The following LUZP2 variants were observed in gnomAD, a reference collection of about 807,000 sequenced individuals.
LUZP2 encodes leucine zipper protein 2.
Under a neutral mutation model 51.6 loss-of-function variants are expected in LUZP2, and 52 were observed. The ratio of observed to expected loss-of-function variants is 1.01; its 90% CI spans 0.81 to 1.27. The LOEUF is 1.27. LUZP2 is among the 50% of genes most tolerant of loss of function. The pLI, the probability that LUZP2 is intolerant of heterozygous loss-of-function variation, is 0.00. For missense variants in LUZP2, 436 were observed against 395.4 expected (o/e 1.10, Z -0.87); for synonymous variants, 154 against 137.3 (o/e 1.12, Z -0.85).
chr11:25,062,797 A>G (rs1858882894), intron 10 of LUZP2, among the ~76,000 whole-genome samples: 1 of 151,312 alleles, frequency 6.6e-6, no homozygotes, highest in Non-Finnish European at 1.5e-5. Context: ...ATTTCATATT[A>G]TATGCTACCA....
At chr11:24,767,001 T>A (rs1227086818) in intron 5 of LUZP2, among the ~76,000 whole-genome samples, 1 of 152,126 alleles carries the variant, frequency 6.6e-6, no homozygotes, top group African/African-American at 2.4e-5. Flanking sequence ...ACCTCAGGTG[T>A]GATCCACCCA....
At chr11:24,857,798 CTATAAG>C (rs1851617012) in intron 5 of LUZP2, among the ~76,000 whole-genome samples, 1 of 151,990 alleles carries the variant, frequency 6.6e-6, no homozygotes, top group Non-Finnish European at 1.5e-5. Flanking sequence ...TACCCCTGAA[CTATAAG>C]TATGACATTT....
intron 1 of LUZP2, among the ~76,000 whole-genome samples, chr11:24,616,685 C>G (rs1854301087): frequency 6.6e-6 from 1 of 152,072 alleles, no homozygotes; most frequent in East Asian, 1.9e-4. Context: ...CCACTAATAC[C>G]ACACATTATT....
At chr11:24,922,525 A>T (rs1854091369) in intron 7 of LUZP2, among the ~76,000 whole-genome samples, 2 of 152,216 alleles carry the variant, frequency 1.3e-5, no homozygotes, top group African/African-American at 2.4e-5. Flanking sequence ...ATTTTTAATG[A>T]GCAAAATGCT....
At chr11:24,556,976 T>A (rs988896212) in intron 1 of LUZP2, among the ~76,000 whole-genome samples, 2 of 152,162 alleles carry the variant, frequency 1.3e-5, no homozygotes, top group Non-Finnish European at 2.9e-5. Flanking sequence ...CAGTATTTCA[T>A]CCAGGCCATG....
At chr11:24,921,233 G>T (rs1449560646) in intron 7 of LUZP2, among the ~76,000 whole-genome samples, 1 of 152,096 alleles carries the variant, frequency 6.6e-6, no homozygotes, top group East Asian at 1.9e-4. Context: ...GAACAAAGAG[G>T]AACCACATGT....
intron 1 of LUZP2, among the ~76,000 whole-genome samples, chr11:24,503,433 T>G (rs544837073): frequency 6.6e-6 from 1 of 152,170 alleles, no homozygotes; most frequent in Non-Finnish European, 1.5e-5. Flanking sequence ...TTCATGAGTA[T>G]GAAGACAGAA....
intron 5 of LUZP2, among the ~76,000 whole-genome samples, chr11:24,852,908 T>A (rs1007504084): frequency 2.0e-5 from 3 of 152,194 alleles, no homozygotes; most frequent in Non-Finnish European, 2.9e-5. Flanking sequence ...CTACTGTTTT[T>A]TCTTTCCATT....
At chr11:24,854,781 G>A (rs1321245033) in intron 5 of LUZP2, among the ~76,000 whole-genome samples, 1 of 152,176 alleles carries the variant, frequency 6.6e-6, no homozygotes, top group Non-Finnish European at 1.5e-5. Context: ...GGGAATCTCC[G>A]GGTCTGCAGG....
chr11:24,797,182 G>C (rs975887006), intron 5 of LUZP2, among the ~76,000 whole-genome samples: 4 of 152,116 alleles, frequency 2.6e-5, no homozygotes, highest in Non-Finnish European at 5.9e-5. Flanking sequence ...CTGAATAACT[G>C]TTAGCCCTTA....
rs185183819 is a variant in LUZP2, at chr11:24,802,876, A to G, written c.396+39568A>G. On this transcript the variant is annotated intron_variant, in intron 5 of 11. Coordinates refer to ENST00000336930, the MANE Select transcript of LUZP2 (RefSeq NM_001009909.4). ...ATTAATGGGATTAATTATCTTATATAAAAGGTTGAAGAGAGCATCCTCATC... is the reference window on the plus strand; with the variant it reads ...ATTAATGGGATTAATTATCTTATATGAAAGGTTGAAGAGAGCATCCTCATC... 1.3e-3 allele frequency among the ~76,000 whole-genome samples: 200 copies of G among 152,180 alleles called. 1 individual carries two copies. Among genetic ancestry groups the G allele is most frequent in the Non-Finnish European group, 2.1e-3 (144 of 67,948 alleles).
At chr11:25,056,984 C>T (rs1252638171) in intron 10 of LUZP2, among the ~76,000 whole-genome samples, 1 of 152,048 alleles carries the variant, frequency 6.6e-6, no homozygotes, top group African/African-American at 2.4e-5. Flanking sequence ...CCTGTAATCC[C>T]AGCTACTGGA....
intron 9 of LUZP2, among the ~76,000 whole-genome samples, chr11:25,009,488 T>G (rs188871789): frequency 3.9e-5 from 6 of 152,134 alleles, no homozygotes; most frequent in Non-Finnish European, 8.8e-5. Flanking sequence ...TACTTCATAA[T>G]TTCATAGTAA....
intron 4 of LUZP2, among the ~76,000 whole-genome samples, chr11:24,745,598 C>T (rs1859349846): frequency 6.6e-6 from 1 of 152,004 alleles, no homozygotes; most frequent in African/African-American, 2.4e-5. Context: ...TATATGAGTT[C>T]TTATGTTTTG....
At chr11:24,788,444 TCCC>T (rs1026714425) in intron 5 of LUZP2, among the ~76,000 whole-genome samples, 1 of 152,014 alleles carries the variant, frequency 6.6e-6, no homozygotes, top group Non-Finnish European at 1.5e-5. Flanking sequence ...CACCTCGGCC[TCCC>T]AAAGTGCTGG....
chr11:24,944,529 G>A (rs2133853725), intron 7 of LUZP2, among the ~76,000 whole-genome samples: 1 of 152,286 alleles, frequency 6.6e-6, no homozygotes, highest in Admixed American at 6.5e-5. Context: ...CCAGTAGAGA[G>A]TAGAAAAAAT....
chr11:24,689,353 TTTCTC>T (rs1856997492), intron 1 of LUZP2, among the ~76,000 whole-genome samples: 1 of 152,136 alleles, frequency 6.6e-6, no homozygotes, highest in Non-Finnish European at 1.5e-5. Context: ...TTGAAGCACT[TTTCTC>T]TTACCAATTG....
chr11:25,051,493 G>A (rs1590878319), intron 10 of LUZP2, among the ~76,000 whole-genome samples: 1 of 152,242 alleles, frequency 6.6e-6, no homozygotes, highest in South Asian at 2.1e-4. Context: ...GGGCAGGAAG[G>A]AAGATTTTTA....
At position 24,960,234 on chromosome 11, in the gene LUZP2, A is replaced by G. The variant is rs193189594; in HGVS notation, c.523-16357A>G. Among the ~76,000 whole-genome samples the G allele has an allele frequency of 4.3e-3, 659 of 152,274 alleles. 3 individuals carry two copies. Among genetic ancestry groups the G allele is most frequent in the South Asian group, 0.011 (52 of 4,824 alleles). ...CTCTTTTTTTGTTGTGTCTTTGACC[A>G]GCTTTGCTATCAGGATGATGCTGGC... On this transcript the variant is annotated intron_variant, in intron 7 of 11. Transcript: ENST00000336930.
Sources: allele counts gnomAD v4.1 joint callset (sites outside exome capture counted in the v4.1 genomes callset), GRCh38; gene constraint gnomAD v4.1.1; transcripts MANE v1.5; gene names NCBI Gene and HGNC (gene_info 2026-07-23, HGNC 2026-07-21).